NUP37: variants seen among roughly 807,000 people sequenced by gnomAD.
The protein encoded by NUP37 is nucleoporin 37.
In NUP37, 33 loss-of-function variants were observed where a neutral mutation model predicts 45.4. The ratio of observed to expected loss-of-function variants is 0.73; its 90% confidence interval spans 0.55 to 0.97. NUP37 has a LOEUF of 0.97. Among genes scored for constraint, NUP37 ranks in the 50% least tolerant of loss-of-function variants. NUP37 has a pLI of 0.00. For synonymous variants in NUP37, 127 were observed against 130.7 expected (o/e 0.97, Z 0.19); for missense variants, 365 against 389.7 (o/e 0.94, Z 0.53).
Position 102,099,108 on chromosome 12 carries a change from G to A in NUP37, c.447C>T (p.Cys149=). The A allele has an allele frequency of 1.3e-6, 2 of 1,598,584 alleles. No homozygotes were observed. The highest frequency in any genetic ancestry group is 1.7e-6 in the Non-Finnish European group (2 of 1,165,934). Reference sequence around the variant, plus strand: ...TGGTTATAACATAAGCAACATACCTGCAGGTGTGATCGTCACTCACACTTG... The same window carrying A: ...TGGTTATAACATAAGCAACATACCTACAGGTGTGATCGTCACTCACACTTG... ...EIASVSDDHT[C]RIWNLEGVQT... Residue 149 remains cysteine, a splice_region_variant and synonymous_variant, in exon 5 of 10, where the codon TGC becomes TGT. Coordinates refer to ENST00000552283, the MANE Select transcript of NUP37 (RefSeq NM_024057.4).
In NUP37 at chr12:102,099,276, C is replaced by T. The variant is rs1271187370; in HGVS notation, c.355-76G>A. On this transcript the variant is annotated intron_variant, in intron 4 of 9. Transcript: ENST00000552283. Reference sequence around the variant, plus strand: ...ACAATATTCCTACATAATATTTTTGCTTCACTGCCTTAAAAGCTTTCACTG... The same window carrying T: ...ACAATATTCCTACATAATATTTTTGTTTCACTGCCTTAAAAGCTTTCACTG... 6.0e-6 allele frequency: 6 copies of T among 997,102 alleles called. No individual in the cohort carries two copies. The South Asian group carries it at 6.8e-5, about 11-fold the overall frequency. 61.8% of individuals were successfully genotyped at this position (997,102 alleles called of 1,614,324 possible).
At chr12:102,109,438 G>A (rs895459347) in intron 3 of NUP37, among the ~76,000 whole-genome samples, 1 of 152,096 alleles carries the variant, frequency 6.6e-6, no homozygotes, top group Non-Finnish European at 1.5e-5. Flanking sequence ...AGTTACTATA[G>A]TATAATCACA....
At chr12:102,090,180 T>C (rs1282885513) in intron 5 of NUP37, among the ~76,000 whole-genome samples, 2 of 152,200 alleles carry the variant, frequency 1.3e-5, no homozygotes, top group African/African-American at 4.8e-5. Flanking sequence ...TTTATATGAA[T>C]GGTAATAGGT....
chr12:102,117,447 A>T (rs1565838592), intron 2 of NUP37, among the ~76,000 whole-genome samples: 1 of 151,886 alleles, frequency 6.6e-6, no homozygotes, highest in Non-Finnish European at 1.5e-5. Flanking sequence ...GTCTGAAAAA[A>T]AAAAATAAAA....
At chr12:102,116,595 GA>G (rs1342729915) in intron 2 of NUP37, among the ~76,000 whole-genome samples, 1 of 152,198 alleles carries the variant, frequency 6.6e-6, no homozygotes, top group Non-Finnish European at 1.5e-5. Context: ...GCAACAAACT[GA>G]AACTTTCAAT....
At chr12:102,082,307 A>C (rs1289214316) in intron 6 of NUP37, among the ~76,000 whole-genome samples, 5 of 151,982 alleles carry the variant, frequency 3.3e-5, no homozygotes, top group Non-Finnish European at 7.4e-5. Context: ...TCATGAACTC[A>C]TATCTTTCTT....
intron 3 of NUP37, among the ~76,000 whole-genome samples, chr12:102,110,309 G>C (rs998770946): frequency 6.6e-6 from 1 of 152,008 alleles, no homozygotes; most frequent in Non-Finnish European, 1.5e-5. Context: ...AGACCAGCCT[G>C]GGCAACATGG....
Position 102,102,006 on chromosome 12 carries a change from T to C in NUP37, c.282-902A>G, listed in dbSNP as rs372716187. ...TCCCAAAGTGCTGGGATTACAGGCATGAGCCACTGCGCCTGGCCAACAACT... is the reference window on the plus strand; with the variant it reads ...TCCCAAAGTGCTGGGATTACAGGCACGAGCCACTGCGCCTGGCCAACAACT... On this transcript the variant is annotated intron_variant, in intron 3 of 9. Coordinates refer to ENST00000552283, the MANE Select transcript of NUP37 (RefSeq NM_024057.4). 1.1e-4 allele frequency among the ~76,000 whole-genome samples: 17 copies of C among 152,334 alleles called. 1 individual carries two copies. The highest frequency in any genetic ancestry group is 2.0e-4 in the Admixed American group (3 of 15,304).
intron 6 of NUP37, among the ~76,000 whole-genome samples, chr12:102,083,151 G>A (rs1437765986): frequency 1.3e-5 from 2 of 152,170 alleles, no homozygotes; most frequent in African/African-American, 4.8e-5. Flanking sequence ...TAAGTTTTGG[G>A]ATAGAAGTTG....
intron 5 of NUP37, among the ~76,000 whole-genome samples, chr12:102,091,772 A>G (rs1411632526): frequency 6.6e-6 from 1 of 152,164 alleles, no homozygotes; most frequent in Non-Finnish European, 1.5e-5. Flanking sequence ...TAACATCCCC[A>G]TCTCTCCTGA....
intron 6 of NUP37, among the ~76,000 whole-genome samples, chr12:102,078,326 TTA>T (rs765031496): frequency 5.6e-4 from 47 of 83,902 alleles, no homozygotes; most frequent in East Asian, 1.2e-3. Context: ...AATTCCTTCT[TTA>T]AAAAAAAAAA....
At chr12:102,109,260 A>T (rs1246385436) in intron 3 of NUP37, among the ~76,000 whole-genome samples, 1 of 152,224 alleles carries the variant, frequency 6.6e-6, no homozygotes, top group Admixed American at 6.5e-5. Context: ...AGGGAGAAAG[A>T]GAATTTAAGG....
Position 102,120,071 on chromosome 12 carries a change from C to T in NUP37, c.-87G>A, listed in dbSNP as rs890457644. The T allele has an allele frequency of 1.3e-5, 2 of 158,192 alleles. No homozygotes were observed. Among genetic ancestry groups the T allele is most frequent in the Non-Finnish European group, 2.8e-5 (2 of 71,094 alleles). 9.8% of individuals were successfully genotyped at this position (158,192 alleles called of 1,614,324 possible). On this transcript the variant is annotated 5_prime_UTR_variant, in exon 1 of 10. Transcript: ENST00000552283. ...GCACCGCAGAGCGCCAGGAACCGAC[C>T]AGAGGCAGGCTGGTCTTCCTTGGGG... is the stretch of plus-strand genomic sequence containing the variant.
chr12:102,081,422 GA>G (rs1174075593), intron 6 of NUP37, among the ~76,000 whole-genome samples: 1 of 152,154 alleles, frequency 6.6e-6, no homozygotes, highest in African/African-American at 2.4e-5. Flanking sequence ...GGAATTTTCA[GA>G]AGTATAAACA....
intron 2 of NUP37, among the ~76,000 whole-genome samples, chr12:102,116,978 G>A (rs540897137): frequency 6.6e-6 from 1 of 152,310 alleles, no homozygotes; most frequent in African/African-American, 2.4e-5. Flanking sequence ...CTCCAGCCTG[G>A]ATGACAGAGC....
intron 2 of NUP37, among the ~76,000 whole-genome samples, chr12:102,112,633 G>A (rs989662151): frequency 6.6e-6 from 1 of 151,934 alleles, no homozygotes; most frequent in Non-Finnish European, 1.5e-5. Flanking sequence ...CTGTGTCTAC[G>A]TTATAAAAAA....
At chr12:102,092,837 G>C (rs1439963565) in intron 5 of NUP37, among the ~76,000 whole-genome samples, 2 of 152,142 alleles carry the variant, frequency 1.3e-5, no homozygotes, top group Non-Finnish European at 2.9e-5. Context: ...TAAAGGTGGA[G>C]ACAACAAAAT....
Position 102,104,830 on chromosome 12 carries a change from T to C in NUP37, c.282-3726A>G, listed in dbSNP as rs139022639. On this transcript the variant is annotated intron_variant, in intron 3 of 9. Transcript: ENST00000552283. ...CATATTTATCTTTATGCCAGTACCA[T>C]ACTGTTTTGATTACTGTATAGCATT... Among the ~76,000 whole-genome samples the C allele has an allele frequency of 6.3e-4, 96 of 152,360 alleles. 2 individuals carry two copies. In the East Asian group the frequency reaches 0.016, roughly 25 times the overall value.
intron 5 of NUP37, among the ~76,000 whole-genome samples, chr12:102,090,973 A>G (rs926277613): frequency 2.0e-5 from 3 of 152,250 alleles, no homozygotes; most frequent in African/African-American, 4.8e-5. Flanking sequence ...CTACTATAAA[A>G]GAAAAAAATT....
Sources: gnomAD v4.1 joint callset for allele counts (sites outside exome capture counted in the v4.1 genomes callset) on GRCh38, gnomAD v4.1.1 for gene constraint, MANE v1.5 for transcripts, NCBI Gene and HGNC (gene_info 2026-07-23, HGNC 2026-07-21) for gene names.